The following CYP11B2 variants were observed in gnomAD, a reference collection of about 807,000 sequenced individuals.
The protein encoded by CYP11B2 is cytochrome P450 11B2, mitochondrial.
CYP11B2 carries 38 observed loss-of-function variants against 49.3 expected under a neutral mutation model. The observed-to-expected ratio is 0.77, with a 90% CI of 0.59 to 1.01. The LOEUF is 1.01. Ranked by LOEUF, CYP11B2 falls within the 50% of genes least tolerant of loss-of-function variation. CYP11B2 has a pLI of 0.00. For missense variants in CYP11B2, 669 were observed against 655.5 expected (o/e 1.02, Z -0.23); for synonymous variants, 290 against 269.3 (o/e 1.08, Z -0.75).
intron 6 of CYP11B2, among the ~76,000 whole-genome samples, 179 bp from the exon 7 acceptor site, chr8:142,913,064 A>G (rs35490512): frequency 0.12 from 16,895 of 138,478 alleles, 1,631 homozygotes; most frequent in East Asian, 0.45. Flanking sequence ...GAGAAGCCCC[A>G]AGCGCAGAAG....
chr8:142,914,081 C>A (rs1817591119), intron 5 of CYP11B2, 183 bp downstream of exon 5: 1 of 734,028 alleles, frequency 1.4e-6, no homozygotes, highest in Non-Finnish European at 2.4e-6. Context: ...AGGGGGAGCT[C>A]ACATTTCCCC....
chr8:142,914,752 T>C lies in CYP11B2; in HGVS notation c.752A>G (p.Lys251Arg), dbSNP rs752962897. The change falls in exon 4 of 9, where the codon AAG becomes AGG. Residue 251 changes from lysine to arginine, a missense_variant. By Grantham distance (26) the Lys-to-Arg change is conservative (BLOSUM62 2). Coordinates refer to ENST00000323110, the MANE Select transcript of CYP11B2 (RefSeq NM_000498.3). Reference protein sequence around the residue: ...PRSLSRWISPKVWKEHFEAWD... With the variant: ...PRSLSRWISPRVWKEHFEAWD... Reference sequence around the variant, plus strand: ...GGCCTCAAAGTGCTCCTTCCACACCTTGGGGCTGATCCAGCGAGACAGGCT... The same window carrying C: ...GGCCTCAAAGTGCTCCTTCCACACCCTGGGGCTGATCCAGCGAGACAGGCT... 5.0e-5 allele frequency: 80 copies of C among 1,613,218 alleles called. No individual in the cohort carries two copies. In the Admixed American group the frequency reaches 1.3e-3, roughly 26 times the overall value.
In CYP11B2 at chr8:142,917,223, C is replaced by T. The variant is rs1337171411; in HGVS notation, c.240-9G>A. 6.2e-7 allele frequency: 1 copy of T among 1,612,562 alleles called. No homozygotes were observed. The highest frequency in any genetic ancestry group is 2.2e-5 in the East Asian group (1 of 44,888). On this transcript the variant is annotated splice_polypyrimidine_tract_variant and intron_variant, in intron 1 of 8. Coordinates refer to ENST00000323110, the MANE Select transcript of CYP11B2 (RefSeq NM_000498.3). ...GTCCTCCCAAGTTGTACCTGTGGGG[C>T]CAAGCAGGAGGCCCTGCTGGACGGG... is the stretch of plus-strand genomic sequence containing the variant.
chr8:142,916,850 C>A (rs1170636377), intron 2 of CYP11B2, among the ~76,000 whole-genome samples: 1 of 152,126 alleles, frequency 6.6e-6, no homozygotes, highest in African/African-American at 2.4e-5. Flanking sequence ...GGTGCCCGTG[C>A]CCATTTCTCC....
At position 142,913,400 on chromosome 8, in the gene CYP11B2, C is replaced by A. The variant is rs373369254; in HGVS notation, c.1006G>T (p.Val336Leu). 1 of 1,613,974 alleles carries A rather than the reference C, an allele frequency of 6.2e-7. No individual in the cohort carries two copies. Among genetic ancestry groups the A allele is most frequent in the Non-Finnish European group, 8.5e-7 (1 of 1,180,024 alleles). ...TLFELARNPD[V>L]QQILRQESLA... Reference sequence around the variant, plus strand: ...CTCTCCTGGCGCAGGATCTGCTGCACGTCGGGGTTCCGAGCCAGCTCAAAG... The same window carrying A: ...CTCTCCTGGCGCAGGATCTGCTGCAAGTCGGGGTTCCGAGCCAGCTCAAAG... The change falls in exon 6 of 9, where the codon GTG (valine) becomes TTG (leucine). Residue 336 changes from valine to leucine, a missense_variant. By Grantham distance (32) the Val-to-Leu change is conservative. Transcript: ENST00000323110.
intron 8 of CYP11B2, 122 bp from the exon 9 acceptor site, chr8:142,912,215 C>T: frequency 1.1e-5 from 16 of 1,521,950 alleles, no homozygotes; most frequent in Non-Finnish European, 1.4e-5. Flanking sequence ...TGGGCCCCAA[C>T]CTATCCCACT....
intron 5 of CYP11B2, 79 bp from the exon 6 acceptor site, chr8:142,913,530 C>T: frequency 6.4e-7 from 1 of 1,558,456 alleles, no homozygotes; most frequent in Non-Finnish European, 8.8e-7. Flanking sequence ...GGACAACCTC[C>T]CTCTGAGGGG....
intron 8 of CYP11B2, 131 bp from the exon 9 acceptor site, chr8:142,912,224 C>T (rs6433): frequency 0.61 from 902,052 of 1,486,664 alleles, 280,522 homozygotes; most frequent in African/African-American, 0.89. Context: ...ACCTATCCCA[C>T]TTCTGACCAG....
intron 2 of CYP11B2, 94 bp downstream of exon 2, chr8:142,916,965 C>T: frequency 6.5e-7 from 1 of 1,549,100 alleles, no homozygotes; most frequent in South Asian, 1.2e-5. Flanking sequence ...GGGCCCAGGG[C>T]AGATGTGCTT....
chr8:142,917,652 G>T lies in CYP11B2; in HGVS notation c.189C>A (p.His63Gln). 1 of 1,614,246 alleles carries T rather than the reference G, an allele frequency of 6.2e-7. No homozygotes were observed. Among genetic ancestry groups the T allele is most frequent in the African/African-American group, 1.3e-5 (1 of 75,078 alleles). ...AGGTCTGGTGCATCTCCAGGTGCAG[G>T]TGCTCATAACCCTGCTCCCTCCAGA... ...LQIWREQGYEHLHLEMHQTFQ... is the reference protein window; with the variant it reads ...LQIWREQGYEQLHLEMHQTFQ... Residue 63 changes from histidine to glutamine, a missense_variant, in exon 1 of 9, where the codon CAC (histidine) becomes CAA (glutamine). Physicochemically the swap from His to Gln is conservative, Grantham distance 24. Coordinates refer to ENST00000323110, the MANE Select transcript of CYP11B2 (RefSeq NM_000498.3).
At chr8:142,916,200 C>G (rs539453244) in intron 2 of CYP11B2, among the ~76,000 whole-genome samples, 1 of 152,142 alleles carries the variant, frequency 6.6e-6, no homozygotes, top group African/African-American at 2.4e-5. Context: ...TTCCATTATG[C>G]GCACCCAGCC....
chr8:142,915,299 G>C (rs1817625455), intron 2 of CYP11B2, 54 bp from the exon 3 acceptor site: 3 of 1,466,072 alleles, frequency 2.0e-6, no homozygotes, highest in Admixed American at 1.9e-5. Flanking sequence ...CACAGGCCCT[G>C]ACCCGTATCC....
Position 142,914,368 on chromosome 8 carries a change from G to C in CYP11B2, c.850C>G (p.Gln284Glu). The change falls in exon 5 of 9, where the codon CAA becomes GAA. Residue 284 changes from glutamine to glutamate, a missense_variant. By Grantham distance (29) the Gln-to-Glu change is conservative. Coordinates refer to ENST00000323110, the MANE Select transcript of CYP11B2 (RefSeq NM_000498.3). ...IYQELAFNRPQHYTGIVAELL... is the reference protein window; with the variant it reads ...IYQELAFNRPEHYTGIVAELL... ...TCCGCCACGATGCCTGTGTAGTGTTGAGGGCGGTTGAAGGCCAGTTCCTGG... is the reference window on the plus strand; with the variant it reads ...TCCGCCACGATGCCTGTGTAGTGTTCAGGGCGGTTGAAGGCCAGTTCCTGG... 1 of 1,613,564 alleles carries C rather than the reference G, an allele frequency of 6.2e-7. No homozygotes were observed.
At chr8:142,916,029 AC>A (rs1817638743) in intron 2 of CYP11B2, among the ~76,000 whole-genome samples, 1 of 152,166 alleles carries the variant, frequency 6.6e-6, no homozygotes, top group Admixed American at 6.5e-5. Flanking sequence ...CCATGCCGGC[AC>A]CTGCACATGC....
chr8:142,912,987 T>C, intron 6 of CYP11B2, 102 bp from the exon 7 acceptor site: 1 of 1,258,364 alleles, frequency 7.9e-7, no homozygotes, highest in Non-Finnish European at 1.1e-6. Flanking sequence ...CCCAGATCCA[T>C]GGGAAGCCCA....
Position 142,917,173 on chromosome 8 carries a change from G to C in CYP11B2, c.281C>G (p.Pro94Arg). 6.2e-7 allele frequency: 1 copy of C among 1,614,136 alleles called. No homozygotes were observed. Among genetic ancestry groups the C allele is most frequent in the Non-Finnish European group, 8.5e-7 (1 of 1,180,018 alleles). The change falls in exon 2 of 9, where the codon CCG becomes CGG. Residue 94 changes from proline to arginine, a missense_variant. Coordinates refer to ENST00000323110, the MANE Select transcript of CYP11B2 (RefSeq NM_000498.3). ...GGPRMVCVML[P>R]EDVEKLQQVD... ...CTGTTGCAGCTTCTCCACATCCTCC[G>C]GCAGCATCACACACACCATGCGTGG...
intron 8 of CYP11B2, 85 bp from the exon 9 acceptor site, chr8:142,912,178 A>G (rs1379349355): frequency 6.3e-7 from 1 of 1,594,626 alleles, no homozygotes; most frequent in Non-Finnish European, 8.5e-7. Context: ...CAGGTGCAAC[A>G]ATTATGCTGA....
intron 8 of CYP11B2, 75 bp downstream of exon 8, chr8:142,912,455 A>G: frequency 4.0e-6 from 6 of 1,507,852 alleles, no homozygotes; most frequent in Non-Finnish European, 4.5e-6. Context: ...CAATCACACC[A>G]TGCAAGCCCC....
Position 142,914,951 on chromosome 8 carries a change from C to T in CYP11B2, c.596-43G>A, listed in dbSNP as rs370796995. On this transcript the variant is annotated intron_variant, in intron 3 of 8. Coordinates refer to ENST00000323110, the MANE Select transcript of CYP11B2 (RefSeq NM_000498.3). ...TGCTGAGCACAAGGCAGCCCCAGGC[C>T]TCCTGGCTGCCTCCCCACACTCCCT... is the stretch of plus-strand genomic sequence containing the variant. 13 of 1,608,458 alleles carry T rather than the reference C, an allele frequency of 8.1e-6. No homozygotes were observed. The African/African-American group carries it at 1.6e-4, about 20-fold the overall frequency.
Sources: allele counts gnomAD v4.1 joint callset (sites outside exome capture counted in the v4.1 genomes callset), GRCh38; gene constraint gnomAD v4.1.1; transcripts MANE v1.5; gene names NCBI Gene and HGNC (gene_info 2026-07-23, HGNC 2026-07-21).